The following BEND7 variants were observed in gnomAD, a reference collection of about 807,000 sequenced individuals.
BEND7 encodes the protein BEN domain containing 7, also known as BEN domain-containing protein 7.
A neutral mutation model predicts 50.9 loss-of-function variants in BEND7; 28 were observed. The ratio of observed to expected loss-of-function variants is 0.55; its 90% CI spans 0.41 to 0.75. BEND7 has a LOEUF of 0.75. Ranked by LOEUF, BEND7 falls within the 30% of genes least tolerant of loss-of-function variation. The pLI is 0.00. For missense variants in BEND7, 477 were observed against 491.3 expected, an observed-to-expected ratio of 0.97 and a Z score of 0.28; for synonymous variants, 170 against 183.9, an observed-to-expected ratio of 0.92 and a Z score of 0.61.
intron 4 of BEND7, 117 bp from the exon 5 acceptor site, chr10:13,492,993 G>T: frequency 1.6e-6 from 2 of 1,214,444 alleles, no homozygotes; most frequent in Non-Finnish European, 2.3e-6. Context: ...ACTCCAGGAT[G>T]AAGCACACTA....
intron 5 of BEND7, among the ~76,000 whole-genome samples, chr10:13,488,086 C>CAAAAAAAAAAAAAAAAAAAAAAAAAAA (rs753018197): frequency 1.5e-5 from 1 of 68,528 alleles, no homozygotes; most frequent in Non-Finnish European, 3.6e-5. Flanking sequence ...GTCTCAATTA[C>CAAAAAAAAAAAAAAAAAAAAAAAAAAA]AAAAAAAAAA....
At chr10:13,445,930 C>G (rs1329613665) in intron 8 of BEND7, 1 of 152,148 alleles carries the variant, frequency 6.6e-6, no homozygotes, top group Non-Finnish European at 1.5e-5. Context: ...AGGTCTATTA[C>G]GATTAGGATT....
intron 2 of BEND7, among the ~76,000 whole-genome samples, chr10:13,511,599 C>G (rs1242551001): frequency 1.1e-4 from 16 of 152,108 alleles, no homozygotes. Flanking sequence ...TTTGTAATCC[C>G]TGGAATACAT....
intron 2 of BEND7, 121 bp from the exon 3 acceptor site, chr10:13,500,201 A>G (rs1196103899): frequency 1.1e-6 from 1 of 896,220 alleles, no homozygotes; most frequent in Non-Finnish European, 1.7e-6. Context: ...GACTGACTCT[A>G]TGAACTTAAT....
chr10:13,483,508 G>T (rs1362201090), intron 5 of BEND7, among the ~76,000 whole-genome samples: 1 of 152,196 alleles, frequency 6.6e-6, no homozygotes, highest in East Asian at 1.9e-4. Flanking sequence ...CATTTAAAAT[G>T]ACTGGTGTTG....
intron 5 of BEND7, among the ~76,000 whole-genome samples, chr10:13,482,685 C>T (rs1043590670): frequency 6.6e-6 from 1 of 152,180 alleles, no homozygotes; most frequent in African/African-American, 2.4e-5. Flanking sequence ...CTTCACTTTG[C>T]CATTCCATGT....
In BEND7 at chr10:13,507,948, C is replaced by T. The variant is rs1212096251; in HGVS notation, c.146-7868G>A. On this transcript the variant is annotated intron_variant, in intron 2 of 8. Transcript: ENST00000466271. ...ATGACCAGGATTATACTATATGGTC[C>T]AAAATATTTCCTCTTAAAAACTCAT... Among the ~76,000 whole-genome samples the T allele has an allele frequency of 8.5e-5, 13 of 152,256 alleles. No homozygotes were observed. In the South Asian group the frequency reaches 2.5e-3, roughly 29 times the overall value.
intron 6 of BEND7, among the ~76,000 whole-genome samples, chr10:13,469,446 A>T (rs1441819473): frequency 6.6e-6 from 1 of 152,198 alleles, no homozygotes; most frequent in Non-Finnish European, 1.5e-5. Context: ...AAAATCGATT[A>T]CAGCTTTCCG....
Position 13,496,775 on chromosome 10 carries a change from T to C in BEND7, c.562A>G (p.Ile188Val), listed in dbSNP as rs1239460069. 6.2e-7 allele frequency: 1 copy of C among 1,613,102 alleles called. No homozygotes were observed. Among genetic ancestry groups the C allele is most frequent in the African/African-American group, 1.3e-5 (1 of 74,840 alleles). The change falls in exon 4 of 9, where the codon ATT becomes GTT. Residue 188 changes from isoleucine (I) to valine (V), a missense_variant. By Grantham distance (29) the Ile-to-Val change is conservative. Coordinates refer to ENST00000466271, the MANE Select transcript of BEND7 (RefSeq NM_001369863.1). Reference protein sequence around the residue: ...ELKTMRKLMQIQAVGTQNRQQ... With the variant: ...ELKTMRKLMQVQAVGTQNRQQ... ...GGCCTGATCCTTGTACCTGCTTGAA[T>C]TTGCATTAATTTCCTCATGGTCTTG...
intron 2 of BEND7, among the ~76,000 whole-genome samples, chr10:13,521,576 G>A (rs2079080813): frequency 6.6e-6 from 1 of 152,234 alleles, no homozygotes. Context: ...TGAAGGTGGA[G>A]CTTTTGTGGG....
intron 5 of BEND7, among the ~76,000 whole-genome samples, chr10:13,490,153 T>C (rs1468684928): frequency 1.3e-5 from 2 of 152,240 alleles, no homozygotes; most frequent in East Asian, 1.9e-4. Context: ...CATGGGTATA[T>C]ACATTGGCAT....
At chr10:13,502,139 A>G (rs1404195707) in intron 2 of BEND7, among the ~76,000 whole-genome samples, 2 of 152,206 alleles carry the variant, frequency 1.3e-5, no homozygotes, top group Admixed American at 1.3e-4. Flanking sequence ...GTAACTGCAC[A>G]ATAACCTAGC....
rs116912104 is a variant in BEND7, at chr10:13,452,874, C to T, written c.1064-216G>A. On this transcript the variant is annotated intron_variant, in intron 6 of 8. Transcript: ENST00000466271. ...GCATTGTGCTTCAAAACGAAACTGGCGATACTCACTAAGTAGTTTGTATGG... is the reference window on the plus strand; with the variant it reads ...GCATTGTGCTTCAAAACGAAACTGGTGATACTCACTAAGTAGTTTGTATGG... 4.1e-3 allele frequency among the ~76,000 whole-genome samples: 628 copies of T among 152,196 alleles called. 13 individuals are homozygous for T. Among genetic ancestry groups the T allele is most frequent in the Admixed American group, 0.025 (386 of 15,288 alleles).
chr10:13,519,278 C>T (rs909013672), intron 2 of BEND7, among the ~76,000 whole-genome samples: 2 of 152,098 alleles, frequency 1.3e-5, no homozygotes, highest in Admixed American at 1.3e-4. Context: ...CGAGACCATC[C>T]TGGCTAACAT....
rs2079569520 is a variant in BEND7, at chr10:13,528,596, GGCA to G, written c.-66_-64del. The G allele has an allele frequency of 8.4e-6, 7 of 834,718 alleles. No homozygotes were observed. The Admixed American group carries it at 3.2e-4, about 38-fold the overall frequency. The allele number at this position is 834,718 out of a possible 1,614,324, so 51.7% of individuals were successfully genotyped here. ...CGGCAGCGGCGGCAGCGGCAGCGGC[GGCA>G]GCGGCAGCGGCGGCGCGGGCTCGTG... On this transcript the variant is annotated 5_prime_UTR_variant, in exon 1 of 9. Transcript: ENST00000466271.
chr10:13,498,071 C>CTTTTT (rs67255529), intron 3 of BEND7, among the ~76,000 whole-genome samples: 398 of 109,474 alleles, frequency 3.6e-3, no homozygotes, highest in Non-Finnish European at 4.9e-3. Context: ...ATTTCTTTTT[C>CTTTTT]TTTTTTTTTT....
intron 7 of BEND7, among the ~76,000 whole-genome samples, chr10:13,447,667 C>T (rs1425275820): frequency 6.6e-6 from 1 of 151,632 alleles, no homozygotes; most frequent in Non-Finnish European, 1.5e-5. Context: ...CCTCAGCCTC[C>T]CGAGTAGCTG....
intron 2 of BEND7, among the ~76,000 whole-genome samples, chr10:13,506,827 T>A (rs7073791): frequency 5.3e-5 from 8 of 151,816 alleles, no homozygotes; most frequent in African/African-American, 1.5e-4. Flanking sequence ...CTGGATTTGC[T>A]GGGGGTGGAG....
At chr10:13,492,943 C>A in intron 4 of BEND7, 67 bp from the exon 5 acceptor site, 1 of 1,540,782 alleles carries the variant, frequency 6.5e-7, no homozygotes, top group South Asian at 1.2e-5. Context: ...TATCTCCGGT[C>A]TATCCATGTG....
Sources: allele counts gnomAD v4.1 joint callset (sites outside exome capture counted in the v4.1 genomes callset), GRCh38; gene constraint gnomAD v4.1.1; transcripts MANE v1.5; gene names NCBI Gene and HGNC (gene_info 2026-07-23, HGNC 2026-07-21).